The following DCHS2 variants were observed in gnomAD, a reference collection of about 807,000 sequenced individuals.
DCHS2 encodes the protein dachsous cadherin-related 2, also known as protocadherin-23.
A neutral mutation model predicts 182.4 loss-of-function variants in DCHS2; 142 were observed. The ratio of observed to expected loss-of-function variants is 0.78; its 90% CI spans 0.68 to 0.89. The LOEUF is 0.89. DCHS2 is among the 40% of genes least tolerant of loss of function. The probability of loss-of-function intolerance (pLI) is 0.00; values close to 1 mark genes in which losing one functional copy is unlikely to be tolerated. For missense variants in DCHS2, 4,319 were observed against 4,198.6 expected (o/e 1.03, Z -0.79); for synonymous variants, 1,740 against 1,663.3 (o/e 1.05, Z -1.12).
intron 3 of DCHS2, among the ~76,000 whole-genome samples, chr4:154,355,322 G>A (rs541791288): frequency 3.4e-5 from 2 of 58,398 alleles, no homozygotes; most frequent in African/African-American, 1.2e-4. Flanking sequence ...AGCATGCTAA[G>A]AGGCACTCCC....
At chr4:154,404,737 T>C (rs1210670631) in intron 1 of DCHS2, among the ~76,000 whole-genome samples, 18 of 152,258 alleles carry the variant, frequency 1.2e-4, no homozygotes. Context: ...ATGTCTCCAA[T>C]GATTAATTGA....
At chr4:154,399,507 T>A (rs550619011) in intron 1 of DCHS2, among the ~76,000 whole-genome samples, 1 of 152,318 alleles carries the variant, frequency 6.6e-6, no homozygotes, top group East Asian at 1.9e-4. Context: ...CTACACAGTA[T>A]GACCATAGAG....
At chr4:154,285,952 T>C (rs1275709518) in intron 13 of DCHS2, among the ~76,000 whole-genome samples, 1 of 152,122 alleles carries the variant, frequency 6.6e-6, no homozygotes, top group Non-Finnish European at 1.5e-5. Flanking sequence ...TATGACCCAG[T>C]GCAGTCCCAG....
intron 14 of DCHS2, among the ~76,000 whole-genome samples, chr4:154,267,709 C>T (rs1414477929): frequency 1.1e-4 from 4 of 35,368 alleles, no homozygotes; most frequent in East Asian, 3.6e-3. Context: ...ATCTTCTTCC[C>T]GAAGCCTAGC....
intron 16 of DCHS2, 98 bp downstream of exon 16, chr4:154,255,421 C>A (rs1163925323): frequency 6.9e-6 from 10 of 1,439,940 alleles, no homozygotes; most frequent in Non-Finnish European, 8.3e-6. Context: ...ACACATTTTA[C>A]AATAAGCTTA....
At chr4:154,319,681 GACA>G (rs1338469096) in intron 9 of DCHS2, among the ~76,000 whole-genome samples, 2 of 95,238 alleles carry the variant, frequency 2.1e-5, no homozygotes, top group East Asian at 6.4e-4. Context: ...AAAAAAAAAA[GACA>G]ACAAGTATTG....
At chr4:154,357,131 T>C (rs894021792) in intron 3 of DCHS2, 2 of 835,134 alleles carry the variant, frequency 2.4e-6, no homozygotes, top group African/African-American at 3.4e-5. Flanking sequence ...CGAAGTTGTT[T>C]AAAACTCACT....
At position 154,237,141 on chromosome 4, in the gene DCHS2, C is replaced by CTGAT. The variant is rs749657877; in HGVS notation, c.7507_7510dup (p.Ser2504AsnfsTer21). ...TATTGTATCCAGAAGTAATACGGGA[C>CTGAT]TGATAGTAAATATTGTGCCTGAAAA... On this transcript the variant is annotated frameshift_variant, in exon 20 of 20. Transcript: ENST00000357232. LOFTEE classifies it low-confidence loss of function (END_TRUNC). The CTGAT allele has an allele frequency of 9.3e-6, 15 of 1,610,716 alleles. No homozygotes were observed. Among genetic ancestry groups the CTGAT allele is most frequent in the Non-Finnish European group, 1.2e-5 (14 of 1,178,906 alleles).
At chr4:154,357,198 T>C (rs1729912014) in intron 3 of DCHS2, 3 of 1,535,924 alleles carry the variant, frequency 2.0e-6, no homozygotes, top group South Asian at 1.1e-5. Context: ...TCTGGCTTTT[T>C]TGGAGAAGGC....
At chr4:154,471,602 G>A (rs1032213483) in intron 1 of DCHS2, among the ~76,000 whole-genome samples, 1 of 152,044 alleles carries the variant, frequency 6.6e-6, no homozygotes, top group Non-Finnish European at 1.5e-5. Flanking sequence ...TGGCCCTCCT[G>A]AGACACATAT....
chr4:154,322,565 C>A lies in DCHS2; in HGVS notation c.4019-77G>T. 4 of 1,438,924 alleles carry A rather than the reference C, an allele frequency of 2.8e-6. No homozygotes were observed. In the South Asian group the frequency reaches 4.8e-5, roughly 17 times the overall value. The allele number at this position is 1,438,924 out of a possible 1,614,324, so 89.1% of individuals were successfully genotyped here. On this transcript the variant is annotated intron_variant, in intron 7 of 19. Transcript: ENST00000357232. ...CAGAAAATCAATTAATCCAATATAT[C>A]GATCATTTGGAAGATTTGTTTGCTT...
chr4:154,355,062 C>G (rs6536000), intron 3 of DCHS2, among the ~76,000 whole-genome samples: 1,893 of 151,996 alleles, frequency 0.012, 35 homozygotes, highest in African/African-American at 0.043. Context: ...GTGCTTGAAC[C>G]AGAGTGACTC....
Position 154,349,364 on chromosome 4 carries a change from A to T in DCHS2, c.2477-14260T>A, listed in dbSNP as rs1008755001. Among the ~76,000 whole-genome samples, 3 of 152,164 alleles carry T rather than the reference A, an allele frequency of 2.0e-5. No individual in the cohort carries two copies. In the South Asian group the frequency reaches 6.2e-4, roughly 32 times the overall value. ...CCTGATTTCTTGGAAGGTCAAATAG[A>T]CAACTTCATTTCAGCTTGGTGGCCA... On this transcript the variant is annotated intron_variant, in intron 3 of 19. Coordinates refer to ENST00000357232, the MANE Select transcript of DCHS2 (RefSeq NM_001358235.2).
At chr4:154,486,909 C>T (rs1728608774) in intron 1 of DCHS2, among the ~76,000 whole-genome samples, 3 of 152,110 alleles carry the variant, frequency 2.0e-5, no homozygotes, top group African/African-American at 4.8e-5. Context: ...TACTTGGCAA[C>T]CTGGAAAGGT....
At chr4:154,324,893 C>T (rs1291831527) in intron 7 of DCHS2, among the ~76,000 whole-genome samples, 1 of 152,038 alleles carries the variant, frequency 6.6e-6, no homozygotes, top group Non-Finnish European at 1.5e-5. Context: ...CCTTTATTCC[C>T]CTTATACCAA....
intron 1 of DCHS2, among the ~76,000 whole-genome samples, chr4:154,488,922 GTGTGTGTGTGTA>G (rs1195336608): frequency 3.7e-5 from 3 of 81,306 alleles, no homozygotes; most frequent in Non-Finnish European, 9.4e-5. Context: ...GTGTGTGTGT[GTGTGTGTGTGTA>G]TACATGTATT....
chr4:154,323,171 C>T (rs1736143210), intron 7 of DCHS2: 1 of 1,544,318 alleles, frequency 6.5e-7, no homozygotes, highest in Non-Finnish European at 8.7e-7. Context: ...CAACGTGTAG[C>T]ATAATATGTT....
chr4:154,487,338 T>A (rs1429677826), intron 1 of DCHS2, among the ~76,000 whole-genome samples: 1 of 152,182 alleles, frequency 6.6e-6, no homozygotes, highest in Non-Finnish European at 1.5e-5. Flanking sequence ...CTGGCTAATG[T>A]GACATTGGCG....
intron 15 of DCHS2, among the ~76,000 whole-genome samples, chr4:154,257,231 A>G (rs1406989851): frequency 1.3e-5 from 2 of 152,030 alleles, no homozygotes; most frequent in Admixed American, 6.5e-5. Context: ...CTGGCGACAG[A>G]GCGAGACTTC....
Sources: allele counts gnomAD v4.1 joint callset (sites outside exome capture counted in the v4.1 genomes callset), GRCh38; gene constraint gnomAD v4.1.1; transcripts MANE v1.5; gene names NCBI Gene and HGNC (gene_info 2026-07-23, HGNC 2026-07-21).